PAPPA2: variants seen among roughly 807,000 people sequenced by gnomAD.
The protein encoded by PAPPA2 is pappalysin-2.
Under a neutral mutation model 176.4 loss-of-function variants are expected in PAPPA2, and 86 were observed. That is an observed-to-expected ratio of 0.49 (90% confidence interval 0.41 to 0.58). PAPPA2 has a LOEUF of 0.58. PAPPA2 is among the 20% of genes least tolerant of loss of function. The pLI is 0.00. For synonymous variants in PAPPA2, 809 were observed against 852.2 expected, an observed-to-expected ratio of 0.95 and a Z score of 0.88; for missense variants, 2,073 against 2,256.9, an observed-to-expected ratio of 0.92 and a Z score of 1.65.
At chr1:176,789,426 T>G (rs1450970081) in intron 17 of PAPPA2, among the ~76,000 whole-genome samples, 4 of 151,892 alleles carry the variant, frequency 2.6e-5, no homozygotes, top group Non-Finnish European at 4.4e-5. Context: ...TGGGGAGGGA[T>G]AGCATTAGGA....
At chr1:176,587,815 A>G (rs1020443210) in intron 2 of PAPPA2, among the ~76,000 whole-genome samples, 1 of 152,220 alleles carries the variant, frequency 6.6e-6, no homozygotes, top group Non-Finnish European at 1.5e-5. Flanking sequence ...TGATGAGAGC[A>G]GCAAACCAAC....
chr1:176,664,284 G>A (rs977779474), intron 3 of PAPPA2, among the ~76,000 whole-genome samples: 3 of 152,170 alleles, frequency 2.0e-5, no homozygotes, highest in African/African-American at 7.2e-5. Context: ...AAGGCTGCAT[G>A]CCTTTGTGGA....
chr1:176,842,305 G>A, intron 22 of PAPPA2, 75 bp from the exon 23 acceptor site: 1 of 1,371,832 alleles, frequency 7.3e-7, no homozygotes, highest in Non-Finnish European at 1.0e-6. Context: ...ACCAAGTGAG[G>A]AAAGTGAAAG....
chr1:176,739,834 G>A lies in PAPPA2; in HGVS notation c.3934+73G>A, dbSNP rs1662592757. The A allele has an allele frequency of 3.2e-6, 5 of 1,584,638 alleles. No homozygotes were observed. In the East Asian group the frequency reaches 1.1e-4, roughly 36 times the overall value. On this transcript the variant is annotated intron_variant, in intron 13 of 22. Coordinates refer to ENST00000367662, the MANE Select transcript of PAPPA2 (RefSeq NM_020318.3). ...AGACCCAGAAGTCAGCTTGATGTCT[G>A]TCTTTTATGTTGTCTGGGATCTTGC... is the stretch of plus-strand genomic sequence containing the variant.
At chr1:176,535,369 T>A (rs905260070) in intron 1 of PAPPA2, among the ~76,000 whole-genome samples, 2 of 152,176 alleles carry the variant, frequency 1.3e-5, no homozygotes, top group African/African-American at 4.8e-5. Flanking sequence ...AACCTCTAGA[T>A]TTCATTTTTG....
At chr1:176,493,039 T>C (rs1255960382) in intron 1 of PAPPA2, among the ~76,000 whole-genome samples, 1 of 152,240 alleles carries the variant, frequency 6.6e-6, no homozygotes, top group East Asian at 1.9e-4. Context: ...CACAATCCAA[T>C]AAATTGATTA....
chr1:176,802,088 A>T (rs898698505), intron 21 of PAPPA2, among the ~76,000 whole-genome samples: 1 of 152,128 alleles, frequency 6.6e-6, no homozygotes, highest in African/African-American at 2.4e-5. Context: ...GCCCCCGAAT[A>T]CCTACTCGAT....
chr1:176,760,568 G>T (rs1367503686), intron 14 of PAPPA2, among the ~76,000 whole-genome samples: 2 of 152,184 alleles, frequency 1.3e-5, no homozygotes, highest in African/African-American at 2.4e-5. Context: ...CTTCCTAAGT[G>T]AGTCTAATGC....
intron 3 of PAPPA2, among the ~76,000 whole-genome samples, chr1:176,639,391 T>C (rs529336246): frequency 6.6e-6 from 1 of 152,226 alleles, no homozygotes; most frequent in East Asian, 1.9e-4. Context: ...CTGCTTTTGT[T>C]ACATCATCTA....
intron 4 of PAPPA2, among the ~76,000 whole-genome samples, chr1:176,673,925 G>C (rs1013285819): frequency 1.3e-5 from 2 of 152,074 alleles, no homozygotes; most frequent in East Asian, 1.9e-4. Context: ...AAAAATTAGA[G>C]TTCAGGTTTT....
At chr1:176,484,667 G>A (rs1259670075) in intron 1 of PAPPA2, among the ~76,000 whole-genome samples, 1 of 152,146 alleles carries the variant, frequency 6.6e-6, no homozygotes, top group Non-Finnish European at 1.5e-5. Flanking sequence ...ATTTCCCTTA[G>A]TGTTTTTGAT....
chr1:176,832,701 G>A (rs1038411969), intron 21 of PAPPA2, among the ~76,000 whole-genome samples: 1 of 152,134 alleles, frequency 6.6e-6, no homozygotes, highest in African/African-American at 2.4e-5. Context: ...ATAGTTTCTG[G>A]GGCAGGAACT....
At chr1:176,477,367 GCACACCTAAAAT>G (rs1652176331) in intron 1 of PAPPA2, among the ~76,000 whole-genome samples, 1 of 152,122 alleles carries the variant, frequency 6.6e-6, no homozygotes, top group South Asian at 2.1e-4. Context: ...TTACACACAT[GCACACCTAAAAT>G]AAGTTTCATG....
chr1:176,694,524 T>C (rs369482493), intron 6 of PAPPA2, among the ~76,000 whole-genome samples: 1 of 152,238 alleles, frequency 6.6e-6, no homozygotes, highest in African/African-American at 2.4e-5. Context: ...TCACTACCTT[T>C]ATTTTATAAT....
intron 21 of PAPPA2, among the ~76,000 whole-genome samples, chr1:176,832,194 C>G (rs1249320650): frequency 6.6e-6 from 1 of 152,150 alleles, no homozygotes. Context: ...TGTTTTACCT[C>G]CATTTGCTCA....
At chr1:176,739,848 C>A in intron 13 of PAPPA2, 87 bp downstream of exon 13, 1 of 1,576,218 alleles carries the variant, frequency 6.3e-7, no homozygotes, top group Non-Finnish European at 8.7e-7. Flanking sequence ...TTTATGTTGT[C>A]TGGGATCTTG....
chr1:176,504,367 C>T (rs1648130970), intron 1 of PAPPA2, among the ~76,000 whole-genome samples: 1 of 152,110 alleles, frequency 6.6e-6, no homozygotes, highest in Non-Finnish European at 1.5e-5. Context: ...TATTTCTATG[C>T]TATACATGCA....
intron 3 of PAPPA2, among the ~76,000 whole-genome samples, chr1:176,621,949 A>C (rs1655624330): frequency 6.6e-6 from 1 of 152,160 alleles, no homozygotes; most frequent in African/African-American, 2.4e-5. Flanking sequence ...AATTTGAAAT[A>C]TTTCACAGCT....
chr1:176,778,261 C>G (rs1159982371), intron 17 of PAPPA2, among the ~76,000 whole-genome samples: 2 of 152,072 alleles, frequency 1.3e-5, no homozygotes, highest in African/African-American at 4.8e-5. Context: ...GCTGACAACT[C>G]AAGTACTACA....
Sources: gnomAD v4.1 joint callset for allele counts (sites outside exome capture counted in the v4.1 genomes callset) on GRCh38, gnomAD v4.1.1 for gene constraint, MANE v1.5 for transcripts, NCBI Gene and HGNC (gene_info 2026-07-23, HGNC 2026-07-21) for gene names.